The following CACNA2D1 variants were observed in gnomAD, a reference collection of about 807,000 sequenced individuals.
CACNA2D1 encodes calcium voltage-gated channel auxiliary subunit alpha2delta 1.
In CACNA2D1, 53 loss-of-function variants were observed where a neutral mutation model predicts 171.5. That is an observed-to-expected ratio of 0.31 (90% CI 0.25 to 0.39). CACNA2D1 has a LOEUF of 0.39. Ranked by LOEUF, CACNA2D1 falls within the 10% of genes least tolerant of loss-of-function variation. The pLI, the probability that CACNA2D1 is intolerant of heterozygous loss-of-function variation, is 1.00. For missense variants in CACNA2D1, 903 were observed against 1,299.8 expected, an observed-to-expected ratio of 0.69 and a Z score of 4.69; for synonymous variants, 442 against 443.1, an observed-to-expected ratio of 1.00 and a Z score of 0.03.
At chr7:82,310,473 G>A (rs1040176864) in intron 3 of CACNA2D1, among the ~76,000 whole-genome samples, 18 of 151,764 alleles carry the variant, frequency 1.2e-4, no homozygotes, top group South Asian at 4.2e-4. Flanking sequence ...AATTTTATGC[G>A]GTTAAATGGA....
intron 1 of CACNA2D1, among the ~76,000 whole-genome samples, chr7:82,435,595 T>C (rs563478913): frequency 6.6e-6 from 1 of 152,240 alleles, no homozygotes. Context: ...TGCTTCACCT[T>C]CTCACTGCCA....
chr7:82,345,161 G>A (rs1430718310), intron 2 of CACNA2D1, among the ~76,000 whole-genome samples: 1 of 152,012 alleles, frequency 6.6e-6, no homozygotes, highest in Non-Finnish European at 1.5e-5. Flanking sequence ...CAATGTCAAA[G>A]AGTAAGCATT....
chr7:82,315,719 G>A (rs1237529916), intron 3 of CACNA2D1, among the ~76,000 whole-genome samples: 2 of 152,104 alleles, frequency 1.3e-5, no homozygotes, highest in African/African-American at 4.8e-5. Flanking sequence ...CATGAAGAAG[G>A]GGAGGAAATC....
intron 16 of CACNA2D1, 98 bp downstream of exon 16, chr7:82,007,581 A>G (rs1462575143): frequency 2.3e-5 from 17 of 741,256 alleles, no homozygotes; most frequent in Non-Finnish European, 3.8e-5. Flanking sequence ...AGACAATTAC[A>G]CTGCATGTAT....
intron 3 of CACNA2D1, among the ~76,000 whole-genome samples, chr7:82,273,888 TG>T (rs1289714172): frequency 2.0e-5 from 3 of 152,154 alleles, no homozygotes; most frequent in Non-Finnish European, 4.4e-5. Context: ...ATTAAGAATA[TG>T]CTTCATTTTC....
chr7:82,430,035 G>C (rs1829539094), intron 1 of CACNA2D1, among the ~76,000 whole-genome samples: 1 of 152,120 alleles, frequency 6.6e-6, no homozygotes, highest in South Asian at 2.1e-4. Context: ...TCATGACAAA[G>C]ACAGGGTGGT....
chr7:82,228,349 T>C (rs1022851567), intron 3 of CACNA2D1, among the ~76,000 whole-genome samples: 1 of 152,110 alleles, frequency 6.6e-6, no homozygotes, highest in African/African-American at 2.4e-5. Context: ...TGGTGAGACC[T>C]TGAGCCGAAG....
chr7:82,248,555 G>C (rs1476907420), intron 3 of CACNA2D1, among the ~76,000 whole-genome samples: 2 of 152,206 alleles, frequency 1.3e-5, no homozygotes, highest in Non-Finnish European at 2.9e-5. Flanking sequence ...GAAGAACAAA[G>C]TGATTTATTT....
intron 6 of CACNA2D1, among the ~76,000 whole-genome samples, chr7:82,098,153 A>G (rs995495428): frequency 1.3e-5 from 2 of 152,126 alleles, no homozygotes; most frequent in Admixed American, 1.3e-4. Context: ...ATAAAAAAAT[A>G]AAGCAAGAAA....
rs1043137271 is a variant in CACNA2D1 at position 82,104,121 on chromosome 7, TAATTA to T, written c.526+12918_526+12922del. Among the ~76,000 whole-genome samples, 167 of 152,120 alleles carry T rather than the reference TAATTA, an allele frequency of 1.1e-3. 1 individual carries two copies. Among genetic ancestry groups the T allele is most frequent in the African/African-American group, 3.7e-3 (154 of 41,540 alleles). ...AAAAGAACCATGAAAAGAATCTAAT[TAATTA>T]AATTAATTTGCATTTGAGCAAATTT... On this transcript the variant is annotated intron_variant, in intron 6 of 38. Transcript: ENST00000356860.
At chr7:82,178,634 A>C (rs1796801408) in intron 3 of CACNA2D1, among the ~76,000 whole-genome samples, 1 of 151,924 alleles carries the variant, frequency 6.6e-6, no homozygotes. Context: ...CCTTGAAAAC[A>C]CTCTTCTAGA....
At chr7:82,026,684 G>T (rs1315866431) in intron 12 of CACNA2D1, among the ~76,000 whole-genome samples, 4 of 151,508 alleles carry the variant, frequency 2.6e-5, no homozygotes, top group Non-Finnish European at 5.9e-5. Flanking sequence ...ACACAGGGTG[G>T]GTGTGTGTAC....
chr7:82,296,099 G>A (rs2129420573), intron 3 of CACNA2D1, among the ~76,000 whole-genome samples: 1 of 151,242 alleles, frequency 6.6e-6, no homozygotes, highest in Middle Eastern at 3.4e-3. Flanking sequence ...TCACACTCTG[G>A]GGACTGTTGC....
chr7:82,228,089 T>G (rs1466057423), intron 3 of CACNA2D1, among the ~76,000 whole-genome samples: 1 of 152,116 alleles, frequency 6.6e-6, no homozygotes, highest in Non-Finnish European at 1.5e-5. Context: ...CAGATGTAAT[T>G]AAGGTTCCTA....
chr7:82,362,129 C>T (rs995770939), intron 1 of CACNA2D1, among the ~76,000 whole-genome samples: 6 of 152,080 alleles, frequency 3.9e-5, no homozygotes, highest in African/African-American at 1.4e-4. Context: ...ATGGCACGCC[C>T]ATGTAACTCA....
chr7:82,082,604 AAAC>A (rs1249181302), intron 7 of CACNA2D1, among the ~76,000 whole-genome samples: 2 of 151,764 alleles, frequency 1.3e-5, no homozygotes, highest in African/African-American at 4.8e-5. Context: ...AAAGCACATC[AAAC>A]AAGAAGGGAG....
At position 81,995,585 on chromosome 7, in the gene CACNA2D1, G is replaced by C. The variant is rs555550845; in HGVS notation, c.1663-646C>G. Among the ~76,000 whole-genome samples, 27 of 152,168 alleles carry C rather than the reference G, an allele frequency of 1.8e-4. 1 individual carries two copies. The South Asian group carries it at 5.6e-3, about 32-fold the overall frequency. ...AGGCCGAGGCGGACAAATTGCCTGA[G>C]GTTGAGAGTTCGAGATCAGCCCAGC... is the stretch of plus-strand genomic sequence containing the variant. On this transcript the variant is annotated intron_variant, in intron 19 of 38. Transcript: ENST00000356860.
intron 8 of CACNA2D1, among the ~76,000 whole-genome samples, chr7:82,066,095 C>A (rs1479470398): frequency 6.6e-6 from 1 of 152,058 alleles, no homozygotes; most frequent in East Asian, 1.9e-4. Context: ...TAGTTCACTG[C>A]CAGAGGCAAA....
intron 3 of CACNA2D1, among the ~76,000 whole-genome samples, chr7:82,173,788 A>G (rs150066645): frequency 1.8e-3 from 269 of 152,132 alleles, no homozygotes; most frequent in Non-Finnish European, 2.8e-3. Flanking sequence ...CATGCCTGTA[A>G]TCCCAATACT....
Sources: allele counts gnomAD v4.1 joint callset (sites outside exome capture counted in the v4.1 genomes callset), GRCh38; gene constraint gnomAD v4.1.1; transcripts MANE v1.5; gene names NCBI Gene and HGNC (gene_info 2026-07-23, HGNC 2026-07-21).